KIF1B: variants seen among roughly 807,000 people sequenced by gnomAD.
KIF1B encodes the protein kinesin family member 1B.
KIF1B carries 76 observed loss-of-function variants against 241.9 expected under a neutral mutation model. The ratio of observed to expected loss-of-function variants is 0.31; its 90% CI spans 0.26 to 0.38. KIF1B has a LOEUF of 0.38. KIF1B is among the 10% of genes least tolerant of loss of function. The probability of loss-of-function intolerance (pLI) is 1.00; values close to 1 mark genes in which losing one functional copy is unlikely to be tolerated. For missense variants in KIF1B, 1,622 were observed against 2,271.4 expected (o/e 0.71, Z 5.81); for synonymous variants, 750 against 796.7 (o/e 0.94, Z 0.99).
intron 2 of KIF1B, among the ~76,000 whole-genome samples, chr1:10,234,198 C>T (rs1647018937): frequency 6.6e-6 from 1 of 151,658 alleles, no homozygotes; most frequent in Admixed American, 6.6e-5. Context: ...CCATGGGACC[C>T]TGCCCTTAAG....
rs757057727 is a variant in KIF1B, at chr1:10,379,066, A to G, written c.*2479A>G. On this transcript the variant is annotated 3_prime_UTR_variant, in exon 49 of 49. Transcript: ENST00000676179. ...CTTAGAGATGGCTGCCTGGACTGGA[A>G]TCAAATCTAATTTCAGGGAAATGAA... is the stretch of plus-strand genomic sequence containing the variant. 16 of 231,232 alleles carry G rather than the reference A, an allele frequency of 6.9e-5. No homozygotes were observed. Among genetic ancestry groups the G allele is most frequent in the Non-Finnish European group, 9.4e-5 (11 of 116,590 alleles). 14.3% of individuals were successfully genotyped at this position (231,232 alleles called of 1,614,324 possible).
intron 11 of KIF1B, among the ~76,000 whole-genome samples, chr1:10,275,786 G>A (rs1189382565): frequency 6.6e-6 from 1 of 152,056 alleles, no homozygotes; most frequent in Non-Finnish European, 1.5e-5. Flanking sequence ...CTCTTTCTTC[G>A]AAGTTATTTC....
intron 22 of KIF1B, among the ~76,000 whole-genome samples, chr1:10,308,849 T>C (rs1356894247): frequency 2.6e-5 from 4 of 152,262 alleles, no homozygotes; most frequent in Non-Finnish European, 5.9e-5. Context: ...TTACATAAAA[T>C]CTTTTCTCAC....
chr1:10,327,519 AT>A (rs1442126474), intron 27 of KIF1B, among the ~76,000 whole-genome samples: 5 of 151,152 alleles, frequency 3.3e-5, no homozygotes, highest in Non-Finnish European at 5.9e-5. Flanking sequence ...AAAAAAAAAA[AT>A]GAATATTTGT....
intron 15 of KIF1B, among the ~76,000 whole-genome samples, chr1:10,287,626 A>G (rs1649780325): frequency 6.6e-6 from 1 of 152,224 alleles, no homozygotes; most frequent in Non-Finnish European, 1.5e-5. Flanking sequence ...TACCTTACTC[A>G]TTAAATCTCT....
intron 22 of KIF1B, chr1:10,307,257 C>T: frequency 2.9e-6 from 3 of 1,021,424 alleles, no homozygotes; most frequent in South Asian, 4.6e-5. Context: ...AAATAAGTAA[C>T]TAGTGCCATG....
intron 6 of KIF1B, 85 bp downstream of exon 6, chr1:10,267,643 T>C (rs1648540200): frequency 7.7e-7 from 1 of 1,295,648 alleles, no homozygotes; most frequent in Non-Finnish European, 1.1e-6. Flanking sequence ...AGGCCACATT[T>C]ATAGCTATGA....
In KIF1B at chr1:10,296,843, A is replaced by G. The variant is rs1416378586; in HGVS notation, c.1862-54A>G. ...AGGGAGGGGTGAGGTTGTTAAATAG[A>G]TACTATATATTAAAAAAATTATTTC... On this transcript the variant is annotated intron_variant, in intron 20 of 48. Coordinates refer to ENST00000676179, the MANE Select transcript of KIF1B (RefSeq NM_001365951.3). 6.7e-6 allele frequency: 10 copies of G among 1,502,814 alleles called. No individual in the cohort carries two copies. The Admixed American group carries it at 1.0e-4, about 15-fold the overall frequency. The allele number at this position is 1,502,814 out of a possible 1,614,324, so 93.1% of individuals were successfully genotyped here. A position where few individuals can be genotyped will look rare whatever the true frequency, so the allele number is the denominator to read the frequency against.
chr1:10,214,530 C>T lies in KIF1B; in HGVS notation c.-80+3652C>T, dbSNP rs865828756. 3.4e-4 allele frequency among the ~76,000 whole-genome samples: 52 copies of T among 151,000 alleles called. 1 individual carries two copies. In the Middle Eastern group the frequency reaches 0.01, roughly 30 times the overall value. ...GTCTCGAACTCCTGACCTTCTGATCCGCCTGCCTTGGCCTCCCAAAGTGCT... is the reference window on the plus strand; with the variant it reads ...GTCTCGAACTCCTGACCTTCTGATCTGCCTGCCTTGGCCTCCCAAAGTGCT... On this transcript the variant is annotated intron_variant, in intron 1 of 48. Transcript: ENST00000676179.
intron 31 of KIF1B, among the ~76,000 whole-genome samples, chr1:10,338,475 C>T (rs1197490921): frequency 6.6e-6 from 1 of 152,230 alleles, no homozygotes; most frequent in East Asian, 1.9e-4. Flanking sequence ...TGTGTTTTCA[C>T]TCATACCCTC....
At chr1:10,324,618 T>C in intron 25 of KIF1B, 140 bp from the exon 26 acceptor site, 1 of 1,013,344 alleles carries the variant, frequency 9.9e-7, no homozygotes, top group Non-Finnish European at 1.5e-6. Context: ...TTGGGCTTCA[T>C]TCTTTTTAGT....
chr1:10,246,554 G>A (rs1205221308), intron 2 of KIF1B, among the ~76,000 whole-genome samples: 1 of 152,130 alleles, frequency 6.6e-6, no homozygotes, highest in African/African-American at 2.4e-5. Flanking sequence ...GACCAGCCTG[G>A]CCAACGTGGT....
chr1:10,252,721 G>GTT (rs35110415), intron 2 of KIF1B, among the ~76,000 whole-genome samples: 2,598 of 150,416 alleles, frequency 0.017, 83 homozygotes, highest in African/African-American at 0.06. Flanking sequence ...CATAAAGACA[G>GTT]TTTTTTTTTG....
At chr1:10,352,595 G>A in intron 37 of KIF1B, 36 bp from the exon 38 acceptor site, 7 of 1,529,140 alleles carry the variant, frequency 4.6e-6, no homozygotes, top group African/African-American at 1.4e-5. Flanking sequence ...GTTTTCAAAT[G>A]TGTCCGTGCT....
At chr1:10,307,283 G>A in intron 22 of KIF1B, 1 of 1,018,174 alleles carries the variant, frequency 9.8e-7, no homozygotes, top group Non-Finnish European at 1.2e-6. Context: ...GTGAGCTCTT[G>A]GTATGGCCCA....
chr1:10,267,899 C>T (rs1002053157), intron 6 of KIF1B, among the ~76,000 whole-genome samples: 1 of 152,124 alleles, frequency 6.6e-6, no homozygotes, highest in East Asian at 1.9e-4. Flanking sequence ...TTAAATGCTT[C>T]ATTGGTTTCT....
At chr1:10,277,229 T>G (rs1200640428) in intron 12 of KIF1B, among the ~76,000 whole-genome samples, 1 of 152,014 alleles carries the variant, frequency 6.6e-6, no homozygotes, top group Non-Finnish European at 1.5e-5. Flanking sequence ...GAGGATCACT[T>G]GAGCACAGGA....
chr1:10,305,845 T>C, intron 22 of KIF1B: 1 of 1,052,434 alleles, frequency 9.5e-7, no homozygotes, highest in Non-Finnish European at 1.1e-6. Flanking sequence ...TCTCTTGAGT[T>C]TGTCAAAAAG....
chr1:10,280,453 C>T (rs550292907), intron 14 of KIF1B, among the ~76,000 whole-genome samples: 2 of 152,136 alleles, frequency 1.3e-5, no homozygotes, highest in East Asian at 3.9e-4. Context: ...CCAGGATGGT[C>T]TCAATCTCTT....
Sources: allele counts gnomAD v4.1 joint callset (sites outside exome capture counted in the v4.1 genomes callset), GRCh38; gene constraint gnomAD v4.1.1; transcripts MANE v1.5; gene names NCBI Gene and HGNC (gene_info 2026-07-23, HGNC 2026-07-21).